The following DNM2 variants were observed in gnomAD, a reference collection of about 807,000 sequenced individuals.
DNM2 encodes the protein dynamin 2.
In DNM2, 15 loss-of-function variants were observed where a neutral mutation model predicts 99.0. That is an observed-to-expected ratio of 0.15 (90% CI 0.10 to 0.23). The LOEUF (loss-of-function observed/expected upper bound fraction) is 0.23. DNM2 is among the 10% of genes least tolerant of loss of function. The probability of loss-of-function intolerance (pLI) is 1.00; values close to 1 mark genes in which losing one functional copy is unlikely to be tolerated. For synonymous variants in DNM2, 525 were observed against 481.2 expected, an observed-to-expected ratio of 1.09 and a Z score of -1.19; for missense variants, 742 against 1,189.4, an observed-to-expected ratio of 0.62 and a Z score of 5.53.
rs1282649709 is a variant in DNM2, at chr19:10,811,411, G to A, written c.1558-853G>A. 5 of 292,196 alleles carry A rather than the reference G, an allele frequency of 1.7e-5. No homozygotes were observed. The highest frequency in any genetic ancestry group is 9.9e-5 in the East Asian group (1 of 10,054). The allele number at this position is 292,196 out of a possible 1,614,324, so 18.1% of individuals were successfully genotyped here. Reference sequence around the variant, plus strand: ...CCATCTCTGGCGCTCCTGCCGTGCCGTGCCCTGCCATGCCCTGCACTGGGG... The same window carrying A: ...CCATCTCTGGCGCTCCTGCCGTGCCATGCCCTGCCATGCCCTGCACTGGGG... On this transcript the variant is annotated intron_variant, in intron 14 of 20. Transcript: ENST00000389253. The surrounding 1 kb of genome is among the most constrained non-coding windows in gnomAD (Gnocchi z 5.4).
chr19:10,724,318 C>T (rs2069040749), intron 1 of DNM2, among the ~76,000 whole-genome samples: 1 of 152,178 alleles, frequency 6.6e-6, no homozygotes, highest in South Asian at 2.1e-4. Flanking sequence ...GCTGGGATTA[C>T]AGGCGCCTGC....
intron 1 of DNM2, among the ~76,000 whole-genome samples, chr19:10,731,709 G>A (rs115294372): frequency 0.038 from 5,751 of 152,312 alleles, 124 homozygotes; most frequent in South Asian, 0.098. Flanking sequence ...GAGAGGCCAC[G>A]AGCCACTGGC....
chr19:10,796,291 C>G lies in DNM2; in HGVS notation c.1196+852C>G. 6.3e-7 allele frequency: 1 copy of G among 1,578,108 alleles called. No homozygotes were observed. The highest frequency in any genetic ancestry group is 2.2e-5 in the East Asian group (1 of 44,676). On this transcript the variant is annotated intron_variant, in intron 9 of 20. Transcript: ENST00000389253. This position sits in a 1 kb window ranked among gnomAD's most constrained non-coding sequence, Gnocchi z 5.6. The stretch of plus-strand genomic sequence containing the variant: ...GCTCCCAGCGCCTCATTGGCCCCCA[C>G]TGGTGCCTTTTCTCCCCATATCGCT...
intron 16 of DNM2, 157 bp from the exon 17 acceptor site, chr19:10,823,631 G>A (rs1419568026): frequency 2.7e-5 from 18 of 674,758 alleles, no homozygotes; most frequent in African/African-American, 8.9e-5. Context: ...CTGTGTAGGC[G>A]TCACTCACGG....
At chr19:10,787,427 C>T (rs372297058) in intron 7 of DNM2, among the ~76,000 whole-genome samples, 3 of 148,512 alleles carry the variant, frequency 2.0e-5, no homozygotes, top group East Asian at 2.0e-4. Flanking sequence ...GTCGAGATTG[C>T]GCAACTTCAC....
At chr19:10,723,654 T>C (rs1355317291) in intron 1 of DNM2, among the ~76,000 whole-genome samples, 2 of 152,234 alleles carry the variant, frequency 1.3e-5, no homozygotes, top group African/African-American at 4.8e-5. Flanking sequence ...GTGCTTGGCA[T>C]AGAAGAAGTG....
intron 1 of DNM2, among the ~76,000 whole-genome samples, chr19:10,757,726 C>T (rs1302397241): frequency 6.6e-6 from 1 of 152,048 alleles, no homozygotes; most frequent in Non-Finnish European, 1.5e-5. Context: ...GGGCAGATCA[C>T]CTGAGGTTGA....
intron 5 of DNM2, among the ~76,000 whole-genome samples, chr19:10,782,031 T>C (rs2071394272): frequency 6.6e-6 from 1 of 152,112 alleles, no homozygotes; most frequent in Non-Finnish European, 1.5e-5. Context: ...TTTTAAGATG[T>C]TATTTCTTTT....
intron 1 of DNM2, among the ~76,000 whole-genome samples, chr19:10,743,439 C>A (rs2069833568): frequency 1.3e-5 from 2 of 151,738 alleles, no homozygotes; most frequent in Admixed American, 6.6e-5. Flanking sequence ...CTTTGGGAGG[C>A]TGAGGCAGGC....
At position 10,772,282 on chromosome 19, in the gene DNM2, T is replaced by C. The variant is rs1354833024; in HGVS notation, c.236-197T>C. Among the ~76,000 whole-genome samples the C allele has an allele frequency of 6.6e-6, 1 of 152,068 alleles. No homozygotes were observed. The highest frequency in any genetic ancestry group is 1.5e-5 in the Non-Finnish European group (1 of 68,012). On this transcript the variant is annotated intron_variant, in intron 2 of 20. Coordinates refer to ENST00000389253, the MANE Select transcript of DNM2 (RefSeq NM_001005361.3). The surrounding 1 kb of genome is among the most constrained non-coding windows in gnomAD (Gnocchi z 4.9). ...TTTTAGTAGAGACAGGGTTTCACCA[T>C]GTTAGTGAGGATGGTCTGAATCTCC...
chr19:10,777,344 C>T, intron 5 of DNM2, 128 bp downstream of exon 5: 1 of 884,876 alleles, frequency 1.1e-6, no homozygotes, highest in Non-Finnish European at 1.8e-6. Flanking sequence ...CTCCTTCTTT[C>T]TTTTCCCTTT....
intron 1 of DNM2, among the ~76,000 whole-genome samples, chr19:10,737,642 T>C (rs2069578397): frequency 6.6e-6 from 1 of 152,102 alleles, no homozygotes; most frequent in South Asian, 2.1e-4. Context: ...CACGTCAACA[T>C]GCCCGTATAT....
chr19:10,742,097 T>C (rs1409534843), intron 1 of DNM2, among the ~76,000 whole-genome samples: 1 of 152,112 alleles, frequency 6.6e-6, no homozygotes, highest in African/African-American at 2.4e-5. Flanking sequence ...GGGTCGAGCC[T>C]ACTCCCACTA....
chr19:10,790,422 T>G (rs1442397431), intron 7 of DNM2, among the ~76,000 whole-genome samples: 1 of 152,214 alleles, frequency 6.6e-6, no homozygotes, highest in Non-Finnish European at 1.5e-5. Flanking sequence ...ACATACGTGT[T>G]TAAAATTGAT....
intron 7 of DNM2, among the ~76,000 whole-genome samples, chr19:10,791,981 G>A (rs2071769295): frequency 6.6e-6 from 1 of 152,198 alleles, no homozygotes; most frequent in Non-Finnish European, 1.5e-5. Flanking sequence ...CCAGCTACTG[G>A]AGAGGCTGAG....
intron 1 of DNM2, among the ~76,000 whole-genome samples, chr19:10,732,196 G>A (rs777656310): frequency 6.7e-5 from 10 of 149,012 alleles, no homozygotes; most frequent in Non-Finnish European, 7.4e-5. Context: ...CAGGTTATCC[G>A]CCTGCTTCAG....
chr19:10,757,254 CTG>C (rs1296341291), intron 1 of DNM2, among the ~76,000 whole-genome samples: 2 of 151,152 alleles, frequency 1.3e-5, no homozygotes. Flanking sequence ...AGGGCTTGGG[CTG>C]ACTTGTTGTG....
Position 10,825,309 on chromosome 19 carries a change from C to T in DNM2, c.2058+88C>T, listed in dbSNP as rs949056650. On this transcript the variant is annotated intron_variant, in intron 18 of 20. Coordinates refer to ENST00000389253, the MANE Select transcript of DNM2 (RefSeq NM_001005361.3). Reference sequence around the variant, plus strand: ...CAGCACTTTGGGAGGCCAAGGCGGGCGGATCACTTGAGGTCAGGAGTTCAA... The same window carrying T: ...CAGCACTTTGGGAGGCCAAGGCGGGTGGATCACTTGAGGTCAGGAGTTCAA... 27 of 1,564,026 alleles carry T rather than the reference C, an allele frequency of 1.7e-5. No homozygotes were observed. The African/African-American group carries it at 1.9e-4, about 11-fold the overall frequency.
At chr19:10,720,768 C>T (rs942518432) in intron 1 of DNM2, among the ~76,000 whole-genome samples, 2 of 152,176 alleles carry the variant, frequency 1.3e-5, no homozygotes, top group Non-Finnish European at 2.9e-5. Flanking sequence ...ACCTAACGCA[C>T]TGCCTGGCAC....
Sources: gnomAD v4.1 joint callset for allele counts (sites outside exome capture counted in the v4.1 genomes callset) on GRCh38, gnomAD v4.1.1 for gene constraint, Gnocchi (gnomAD v3.1) non-coding constraint, MANE v1.5 for transcripts, NCBI Gene and HGNC (gene_info 2026-07-23, HGNC 2026-07-21) for gene names.